Variants in ESRRB observed in about 807,000 individuals in gnomAD.
The protein encoded by ESRRB is steroid hormone receptor ERR2.
In ESRRB, 16 loss-of-function variants were observed where a neutral mutation model predicts 46.0. The observed-to-expected ratio is 0.35, with a 90% CI of 0.24 to 0.53. ESRRB has a LOEUF of 0.53. Ranked by LOEUF, ESRRB falls within the 20% of genes least tolerant of loss-of-function variation. The probability of loss-of-function intolerance (pLI) is 0.93; values close to 1 mark genes in which losing one functional copy is unlikely to be tolerated. For missense variants in ESRRB, 488 were observed against 607.4 expected, an observed-to-expected ratio of 0.80 and a Z score of 2.07; for synonymous variants, 246 against 259.6, an observed-to-expected ratio of 0.95 and a Z score of 0.50.
intron 3 of ESRRB, chr14:76,463,188 C>A: frequency 4.7e-6 from 1 of 213,876 alleles, no homozygotes; most frequent in Non-Finnish European, 9.4e-6. Flanking sequence ...TCTCCTTTCT[C>A]TCCCTGCGTC....
At chr14:76,372,059 T>C (rs1884638343), upstream of ESRRB, among the ~76,000 whole-genome samples, 1 of 152,166 alleles carries the variant, frequency 6.6e-6, no homozygotes, top group African/African-American at 2.4e-5. Context: ...TGGCAAGAGT[T>C]GCTGTGCTGG....
upstream of ESRRB, among the ~76,000 whole-genome samples, chr14:76,374,794 TGAGCCTTGCGCCCA>T (rs1295040907): frequency 6.6e-6 from 1 of 152,218 alleles, no homozygotes; most frequent in Non-Finnish European, 1.5e-5. Context: ...GATGCCTTCC[TGAGCCTTGCGCCCA>T]GAGAATCCCA....
intron 1 of ESRRB, among the ~76,000 whole-genome samples, chr14:76,431,105 A>C (rs527686843): frequency 6.6e-6 from 1 of 152,238 alleles, no homozygotes; most frequent in Admixed American, 6.5e-5. Flanking sequence ...ATACCAGCCT[A>C]CCCAACATGG....
chr14:76,342,943 G>T lies in ESRRB; in HGVS notation c.2+32027G>T, dbSNP rs559438855. 7.2e-5 allele frequency among the ~76,000 whole-genome samples: 11 copies of T among 152,262 alleles called. No individual in the cohort carries two copies. In the East Asian group the frequency reaches 2.1e-3, roughly 29 times the overall value. On this transcript the variant is annotated intron_variant, in intron 1 of 6. Transcript: ENST00000512784. ...CAGGGATCGAGTAAGCAAAGAATGAGATCATTACAAATTAGACTAAACTGC... is the reference window on the plus strand; with the variant it reads ...CAGGGATCGAGTAAGCAAAGAATGATATCATTACAAATTAGACTAAACTGC...
intron 1 of ESRRB, among the ~76,000 whole-genome samples, chr14:76,415,696 G>A (rs899614775): frequency 6.6e-6 from 1 of 152,092 alleles, no homozygotes; most frequent in African/African-American, 2.4e-5. Flanking sequence ...AATAGAGATG[G>A]GGGTCTCACT....
At chr14:76,334,037 T>C (rs564196153) in intron 1 of ESRRB, among the ~76,000 whole-genome samples, 37 of 152,282 alleles carry the variant, frequency 2.4e-4, no homozygotes, top group South Asian at 1.5e-3. Flanking sequence ...AGGAGAACTA[T>C]AGAAGCTCCT....
chr14:76,377,709 C>T (rs1465027315), intron 1 of ESRRB, among the ~76,000 whole-genome samples: 3 of 152,132 alleles, frequency 2.0e-5, no homozygotes, highest in Non-Finnish European at 2.9e-5. Flanking sequence ...AAAATAAATA[C>T]TCTGGATCAT....
intron 1 of ESRRB, among the ~76,000 whole-genome samples, chr14:76,319,200 G>A (rs1269163415): frequency 6.6e-6 from 1 of 152,230 alleles, no homozygotes; most frequent in Non-Finnish European, 1.5e-5. Context: ...TGTCATCTCT[G>A]CACAGGGCCA....
At chr14:76,397,813 G>A (rs146145146) in intron 1 of ESRRB, among the ~76,000 whole-genome samples, 1 of 152,292 alleles carries the variant, frequency 6.6e-6, no homozygotes, top group Admixed American at 6.5e-5. Context: ...ATAACCTCGA[G>A]GTTTGATACT....
intron 1 of ESRRB, among the ~76,000 whole-genome samples, chr14:76,417,766 G>T (rs531998832): frequency 6.6e-6 from 1 of 152,132 alleles, no homozygotes; most frequent in South Asian, 2.1e-4. Flanking sequence ...GTGGTGCAAA[G>T]GTGCAGAGGC....
chr14:76,421,675 G>A (rs1886960579), intron 1 of ESRRB, among the ~76,000 whole-genome samples: 1 of 152,174 alleles, frequency 6.6e-6, no homozygotes, highest in Non-Finnish European at 1.5e-5. Context: ...AGCAGCAGGG[G>A]CACTGAGGTC....
At chr14:76,399,080 G>A (rs1293992042) in intron 1 of ESRRB, among the ~76,000 whole-genome samples, 3 of 152,200 alleles carry the variant, frequency 2.0e-5, no homozygotes, top group Admixed American at 6.5e-5. Flanking sequence ...TCCCCTGGCT[G>A]CAGCCTGCCT....
intron 1 of ESRRB, among the ~76,000 whole-genome samples, chr14:76,429,916 C>T (rs2139909184): frequency 6.6e-6 from 1 of 152,144 alleles, no homozygotes; most frequent in South Asian, 2.1e-4. Flanking sequence ...TTCATTATCG[C>T]TGGTTCGTAA....
At chr14:76,451,684 T>C (rs1888385517) in intron 2 of ESRRB, among the ~76,000 whole-genome samples, 1 of 152,062 alleles carries the variant, frequency 6.6e-6, no homozygotes, top group Non-Finnish European at 1.5e-5. Flanking sequence ...TGGAGTGCAG[T>C]GGTGCAATCT....
intron 1 of ESRRB, among the ~76,000 whole-genome samples, chr14:76,402,198 A>G (rs1418333266): frequency 6.6e-6 from 1 of 152,248 alleles, no homozygotes; most frequent in Non-Finnish European, 1.5e-5. Flanking sequence ...TCATCCAAAA[A>G]CACCCTCATG....
chr14:76,481,605 C>G (rs1889807414), intron 3 of ESRRB, among the ~76,000 whole-genome samples: 1 of 152,148 alleles, frequency 6.6e-6, no homozygotes, highest in African/African-American at 2.4e-5. Context: ...GTCTGAAAAC[C>G]CTTGAAGTGC....
intron 1 of ESRRB, among the ~76,000 whole-genome samples, chr14:76,397,233 C>T (rs1595078059): frequency 6.6e-6 from 1 of 152,218 alleles, no homozygotes; most frequent in Admixed American, 6.5e-5. Context: ...CCAGAGGCTG[C>T]CTGTGGGGCC....
intron 6 of ESRRB, chr14:76,495,649 A>C (rs971186949): frequency 8.6e-5 from 13 of 151,496 alleles, no homozygotes; most frequent in Admixed American, 4.6e-4. Context: ...GATTTAAAGG[A>C]GTGCTTGCCA....
intron 1 of ESRRB, among the ~76,000 whole-genome samples, chr14:76,399,908 ATAGG>A (rs1885865300): frequency 1.3e-5 from 2 of 152,072 alleles, no homozygotes; most frequent in Non-Finnish European, 2.9e-5. Flanking sequence ...GGGAGGTCAT[ATAGG>A]TGTCCAGTGG....
Sources: gnomAD v4.1 joint callset for allele counts (sites outside exome capture counted in the v4.1 genomes callset) on GRCh38, gnomAD v4.1.1 for gene constraint, MANE v1.5 for transcripts, NCBI Gene and HGNC (gene_info 2026-07-23, HGNC 2026-07-21) for gene names.